SIPA1L1: variants seen among roughly 807,000 people sequenced by gnomAD.
SIPA1L1 encodes signal induced proliferation associated 1 like 1, also known as signal-induced proliferation-associated 1-like protein 1.
Under a neutral mutation model 162.7 loss-of-function variants are expected in SIPA1L1, and 26 were observed. That is an observed-to-expected ratio of 0.16 (90% confidence interval 0.12 to 0.22). The LOEUF is 0.22. Among genes scored for constraint, SIPA1L1 ranks in the 10% least tolerant of loss-of-function variants. The pLI, the probability that SIPA1L1 is intolerant of heterozygous loss-of-function variation, is 1.00. For synonymous variants in SIPA1L1, 829 were observed against 837.4 expected, an observed-to-expected ratio of 0.99 and a Z score of 0.17; for missense variants, 1,874 against 2,241.0, an observed-to-expected ratio of 0.84 and a Z score of 3.31.
intron 4 of SIPA1L1, among the ~76,000 whole-genome samples, chr14:71,531,150 A>G (rs537177697): frequency 6.6e-6 from 1 of 152,172 alleles, no homozygotes; most frequent in Non-Finnish European, 1.5e-5. Flanking sequence ...CAGGATACTT[A>G]TAGATCAATT....
rs2082710299 is a variant in SIPA1L1 at position 71,709,490 on chromosome 14, C to T, written c.4034C>T (p.Ser1345Phe). The T allele has an allele frequency of 6.2e-7, 1 of 1,614,082 alleles. No homozygotes were observed. The highest frequency in any genetic ancestry group is 2.2e-5 in the East Asian group (1 of 44,896). The change falls in exon 17 of 24, where the codon TCC becomes TTC. Residue 1345 changes from serine to phenylalanine, a missense_variant. By Grantham distance (155) the Ser-to-Phe change is radical (BLOSUM62 -2). Transcript: ENST00000381232. Reference protein sequence around the residue: ...KEKVAPLWHSSSEVISMADRT... With the variant: ...KEKVAPLWHSFSEVISMADRT... ...AAAGTGGCACCCCTATGGCACAGCT[C>T]CAGTGAAGTAATCTCCATGGCAGAT... is the stretch of plus-strand genomic sequence containing the variant.
intron 2 of SIPA1L1, among the ~76,000 whole-genome samples, chr14:71,436,854 G>A (rs940427231): frequency 2.1e-5 from 3 of 143,966 alleles, no homozygotes; most frequent in South Asian, 2.2e-4. Context: ...AACCTCTATC[G>A]CCCGGGTTCA....
At chr14:71,326,517 T>G (rs2033823279) in intron 2 of SIPA1L1, among the ~76,000 whole-genome samples, 1 of 151,982 alleles carries the variant, frequency 6.6e-6, no homozygotes, top group African/African-American at 2.4e-5. Context: ...CCGACTTGCT[T>G]CTTTTTATAA....
At chr14:71,545,136 A>C (rs2055067436) in intron 4 of SIPA1L1, among the ~76,000 whole-genome samples, 1 of 152,222 alleles carries the variant, frequency 6.6e-6, no homozygotes. Context: ...CTAGGATTAT[A>C]GGCATGAGAC....
intron 2 of SIPA1L1, among the ~76,000 whole-genome samples, chr14:71,325,587 A>G (rs1323204746): frequency 6.6e-6 from 1 of 152,190 alleles, no homozygotes; most frequent in Non-Finnish European, 1.5e-5. Flanking sequence ...GGAGAGAGTA[A>G]GATAACCCCA....
chr14:71,387,253 A>T (rs1413693682), intron 2 of SIPA1L1, among the ~76,000 whole-genome samples: 1 of 96,164 alleles, frequency 1.0e-5, no homozygotes, highest in African/African-American at 3.3e-5. Context: ...TGTCTCAAAA[A>T]AAAAAAAAAA....
At chr14:71,676,401 A>T (rs958336285) in intron 12 of SIPA1L1, among the ~76,000 whole-genome samples, 10 of 151,946 alleles carry the variant, frequency 6.6e-5, no homozygotes, top group Admixed American at 1.3e-4. Flanking sequence ...CAATTTTTTT[A>T]AGAGAAGAAA....
intron 11 of SIPA1L1, 100 bp downstream of exon 11, chr14:71,671,792 C>T (rs962864849): frequency 4.0e-5 from 34 of 859,128 alleles, no homozygotes; most frequent in Middle Eastern, 5.5e-4. Context: ...CTGTTATTAG[C>T]TCCTCTGAAA....
rs542000386 is a variant in SIPA1L1 at position 71,733,196 on chromosome 14, G to C, written c.4862-470G>C. On this transcript the variant is annotated intron_variant, in intron 20 of 23. Coordinates refer to ENST00000381232, the MANE Select transcript of SIPA1L1 (RefSeq NM_001386936.1). ...ACTGCACTCCAGCCTGGGCTACAGA[G>C]TGAGAATATGTCTCAAAAAATAAAA... is the stretch of plus-strand genomic sequence containing the variant. Among the ~76,000 whole-genome samples, 3 of 152,228 alleles carry C rather than the reference G, an allele frequency of 2.0e-5. No homozygotes were observed. In the South Asian group the frequency reaches 6.2e-4, roughly 31 times the overall value.
In SIPA1L1 at chr14:71,590,044, AATATATATATATATAT is replaced by A. The variant is rs58833289; in HGVS notation, c.1498+691_1498+706del. Among the ~76,000 whole-genome samples, 5 of 59,590 alleles carry A rather than the reference AATATATATATATATAT, an allele frequency of 8.4e-5. No homozygotes were observed. The South Asian group carries it at 1.7e-3, about 20-fold the overall frequency. 39.1% of individuals were successfully genotyped at this position (59,590 alleles called of 152,430 possible). On this transcript the variant is annotated intron_variant, in intron 5 of 23. Transcript: ENST00000381232. ...AGTAAAAAAAAAAAAAAAAAAAAAAAATATATATATATATATATATATATATATATATGTACACACA... is the reference window on the plus strand; with the variant it reads ...AGTAAAAAAAAAAAAAAAAAAAAAAAATATATATATATATATGTACACACA...
chr14:71,539,419 T>C (rs1162279665), intron 4 of SIPA1L1, among the ~76,000 whole-genome samples: 1 of 152,218 alleles, frequency 6.6e-6, no homozygotes, highest in East Asian at 1.9e-4. Flanking sequence ...CTTGGAACTT[T>C]TCCAATGGAA....
chr14:71,568,618 A>G (rs2031282441), intron 4 of SIPA1L1, among the ~76,000 whole-genome samples: 1 of 152,212 alleles, frequency 6.6e-6, no homozygotes, highest in African/African-American at 2.4e-5. Flanking sequence ...TTCGAGGTGA[A>G]TCCGTAAAGT....
intron 2 of SIPA1L1, among the ~76,000 whole-genome samples, chr14:71,455,328 T>TC (rs2046113147): frequency 6.6e-6 from 1 of 152,206 alleles, no homozygotes; most frequent in African/African-American, 2.4e-5. Flanking sequence ...TGATTGTTTT[T>TC]CTTGCTTTTT....
At chr14:71,582,136 TCAG>T (rs2034016437) in intron 4 of SIPA1L1, among the ~76,000 whole-genome samples, 1 of 152,120 alleles carries the variant, frequency 6.6e-6, no homozygotes, top group South Asian at 2.1e-4. Flanking sequence ...GAGTTAAAGA[TCAG>T]CCTGGGCAAC....
chr14:71,466,085 A>G (rs958030134), intron 2 of SIPA1L1, among the ~76,000 whole-genome samples: 3 of 152,172 alleles, frequency 2.0e-5, no homozygotes, highest in African/African-American at 7.2e-5. Flanking sequence ...ACATCCTTCA[A>G]TCCAATCAAG....
Position 71,661,341 on chromosome 14 carries a change from T to C in SIPA1L1, c.2129T>C (p.Ile710Thr). ...AGGAAGCGGCACATTGGAAATGATA[T>C]CGTAACAATTGTTTTCCAAGAGCCT... ...LLRKRHIGND[I>T]VTIVFQEPGA... Residue 710 changes from isoleucine to threonine, a missense_variant, in exon 10 of 24, where the codon ATC becomes ACC. Ile to Thr is a moderately conservative substitution (Grantham distance 89). Transcript: ENST00000381232. 1 of 1,613,940 alleles carries C rather than the reference T, an allele frequency of 6.2e-7. No homozygotes were observed. Among genetic ancestry groups the C allele is most frequent in the Middle Eastern group, 1.6e-4 (1 of 6,062 alleles).
chr14:71,715,082 G>A (rs181897744), intron 17 of SIPA1L1, among the ~76,000 whole-genome samples: 37 of 152,322 alleles, frequency 2.4e-4, no homozygotes, highest in African/African-American at 7.0e-4. Flanking sequence ...CCTTAACCTA[G>A]TTATTGGATA....
chr14:71,739,700 C>T lies in SIPA1L1; in HGVS notation c.*539C>T, dbSNP rs1426793488. ...AAATGCCTACCTCCCTTGAATGACTCGTGCATGAGCTAGTGCTGTCTGTAC... is the reference window on the plus strand; with the variant it reads ...AAATGCCTACCTCCCTTGAATGACTTGTGCATGAGCTAGTGCTGTCTGTAC... On this transcript the variant is annotated 3_prime_UTR_variant, in exon 24 of 24. Coordinates refer to ENST00000381232, the MANE Select transcript of SIPA1L1 (RefSeq NM_001386936.1). 1 of 152,380 alleles carries T rather than the reference C, an allele frequency of 6.6e-6. No individual in the cohort carries two copies. The highest frequency in any genetic ancestry group is 2.4e-5 in the African/African-American group (1 of 41,450). The allele number at this position is 152,380 out of a possible 1,614,324, so 9.4% of individuals were successfully genotyped here. A position where few individuals can be genotyped will look rare whatever the true frequency, so the allele number is the denominator to read the frequency against.
intron 4 of SIPA1L1, among the ~76,000 whole-genome samples, chr14:71,532,988 C>G (rs1476249564): frequency 1.3e-5 from 2 of 152,158 alleles, no homozygotes; most frequent in Non-Finnish European, 2.9e-5. Flanking sequence ...AGGGGAAATC[C>G]TGGAAACATA....
Sources: gnomAD v4.1 joint callset for allele counts (sites outside exome capture counted in the v4.1 genomes callset) on GRCh38, gnomAD v4.1.1 for gene constraint, MANE v1.5 for transcripts, NCBI Gene and HGNC (gene_info 2026-07-23, HGNC 2026-07-21) for gene names.